MAGI3: variants seen among roughly 807,000 people sequenced by gnomAD.
The protein encoded by MAGI3 is membrane-associated guanylate kinase, WW and PDZ domain-containing protein 3.
In MAGI3, 43 loss-of-function variants were observed where a neutral mutation model predicts 121.8. The ratio of observed to expected loss-of-function variants is 0.35; its 90% CI spans 0.28 to 0.46. The LOEUF (loss-of-function observed/expected upper bound fraction) is 0.46, where lower values mean the gene tolerates loss of function less well. Ranked by LOEUF, MAGI3 falls within the 20% of genes least tolerant of loss-of-function variation. MAGI3 has a pLI of 1.00. For synonymous variants in MAGI3, 553 were observed against 639.3 expected (o/e 0.86, Z 2.04); for missense variants, 1,547 against 1,797.3 (o/e 0.86, Z 2.52).
intron 1 of MAGI3, among the ~76,000 whole-genome samples, chr1:113,429,296 G>A (rs1221148466): frequency 6.6e-6 from 1 of 152,202 alleles, no homozygotes; most frequent in African/African-American, 2.4e-5. Context: ...CCAGTGGAGG[G>A]TGCCCAGGCT....
intron 2 of MAGI3, among the ~76,000 whole-genome samples, chr1:113,572,174 C>T (rs1175798612): frequency 1.3e-5 from 2 of 152,118 alleles, no homozygotes; most frequent in African/African-American, 4.8e-5. Flanking sequence ...GTCATTTGTT[C>T]TGTTTATGTG....
At chr1:113,574,355 T>G (rs1257766642) in intron 2 of MAGI3, among the ~76,000 whole-genome samples, 1 of 152,202 alleles carries the variant, frequency 6.6e-6, no homozygotes, top group Non-Finnish European at 1.5e-5. Context: ...CCATATTTAA[T>G]GCTTCCTTCA....
intron 16 of MAGI3, among the ~76,000 whole-genome samples, chr1:113,663,630 T>G (rs1279752402): frequency 6.6e-6 from 1 of 152,236 alleles, no homozygotes; most frequent in Non-Finnish European, 1.5e-5. Context: ...TTCAGTTGTT[T>G]CTACTACTGT....
chr1:113,676,887 T>C (rs1647902021), intron 19 of MAGI3, among the ~76,000 whole-genome samples: 1 of 152,122 alleles, frequency 6.6e-6, no homozygotes, highest in African/African-American at 2.4e-5. Context: ...TCCATAGATA[T>C]TTGTTGAAAG....
At chr1:113,472,220 T>C (rs947131017) in intron 1 of MAGI3, among the ~76,000 whole-genome samples, 7 of 151,484 alleles carry the variant, frequency 4.6e-5, no homozygotes, top group African/African-American at 1.7e-4. Context: ...TTTTTTTTTT[T>C]GAGACAGAGT....
At position 113,683,907 on chromosome 1, in the gene MAGI3, GA is replaced by G. The variant is rs756024137; in HGVS notation, c.4342del (p.Ser1448AlafsTer9). 2.5e-6 allele frequency: 4 copies of G among 1,611,890 alleles called. No homozygotes were observed. In the East Asian group the frequency reaches 8.9e-5, roughly 36 times the overall value. On this transcript the variant is annotated frameshift_variant, in exon 21 of 21. Coordinates refer to ENST00000307546, the MANE Select transcript of MAGI3 (RefSeq NM_001142782.2). LOFTEE classifies it high-confidence loss of function. ...CAAAGAGACTGGAAGGTTCAAACCG[GA>G]AAGCAGTTCTCCAGTTAAGAAAACA... Reference protein sequence around the residue: ...KNKETGRFKPESSSPVKKTLI... With the variant: ...KNKETGRFKPXSSSPVKKTLI...
At chr1:113,402,008 C>T (rs2101296734) in intron 1 of MAGI3, among the ~76,000 whole-genome samples, 1 of 152,220 alleles carries the variant, frequency 6.6e-6, no homozygotes, top group East Asian at 1.9e-4. Flanking sequence ...ACACAGCAAT[C>T]CAATCTTAGT....
At chr1:113,616,217 A>T (rs1650452909) in intron 7 of MAGI3, among the ~76,000 whole-genome samples, 2 of 152,204 alleles carry the variant, frequency 1.3e-5, no homozygotes, top group African/African-American at 4.8e-5. Context: ...AAATAGCCTG[A>T]ATTAGAAGCA....
At chr1:113,409,485 A>C (rs1033600998) in intron 1 of MAGI3, among the ~76,000 whole-genome samples, 1 of 151,998 alleles carries the variant, frequency 6.6e-6, no homozygotes, top group African/African-American at 2.4e-5. Flanking sequence ...TCTACAAAAA[A>C]TTAAAAAATT....
At chr1:113,623,337 T>A (rs1169048162) in intron 9 of MAGI3, among the ~76,000 whole-genome samples, 5 of 151,772 alleles carry the variant, frequency 3.3e-5, no homozygotes, top group African/African-American at 1.2e-4. Context: ...ACAATTAAAT[T>A]ATTGCTGACT....
intron 19 of MAGI3, among the ~76,000 whole-genome samples, chr1:113,674,119 C>T (rs944503395): frequency 6.6e-6 from 1 of 152,140 alleles, no homozygotes; most frequent in African/African-American, 2.4e-5. Flanking sequence ...CTGCTGGGCG[C>T]GGTGGCTCAC....
chr1:113,633,798 G>A (rs1651821120), intron 9 of MAGI3, among the ~76,000 whole-genome samples: 1 of 152,174 alleles, frequency 6.6e-6, no homozygotes, highest in African/African-American at 2.4e-5. Flanking sequence ...CTAGATCCCT[G>A]AGGAATCACC....
intron 6 of MAGI3, among the ~76,000 whole-genome samples, chr1:113,608,825 G>A (rs191240934): frequency 6.6e-6 from 1 of 152,296 alleles, no homozygotes; most frequent in Admixed American, 6.5e-5. Flanking sequence ...CATTAAGGCT[G>A]AACATATGTC....
Position 113,659,064 on chromosome 1 carries a change from G to GT in MAGI3, c.2630-8dup, listed in dbSNP as rs761085540. ...ATCTTAAATAATTGAAAAACCTGGG[G>GT]TTTTTTTTCCCATAGTTATTCCTCA... On this transcript the variant is annotated splice_polypyrimidine_tract_variant and intron_variant, in intron 15 of 20. Transcript: ENST00000307546. 3.1e-5 allele frequency: 49 copies of GT among 1,564,360 alleles called. No homozygotes were observed. The highest frequency in any genetic ancestry group is 2.7e-4 in the South Asian group (23 of 84,808).
chr1:113,441,804 T>G (rs1442438467), intron 1 of MAGI3, among the ~76,000 whole-genome samples: 1 of 152,190 alleles, frequency 6.6e-6, no homozygotes, highest in African/African-American at 2.4e-5. Flanking sequence ...TCGTCTTGGT[T>G]GCAGAATGAA....
At position 113,446,622 on chromosome 1, in the gene MAGI3, CT is replaced by C. The variant is rs563124167; in HGVS notation, c.316+55274del. 1.8e-3 allele frequency among the ~76,000 whole-genome samples: 270 copies of C among 152,268 alleles called. 1 individual carries two copies. The highest frequency in any genetic ancestry group is 3.2e-3 in the Non-Finnish European group (220 of 68,012). On this transcript the variant is annotated intron_variant, in intron 1 of 20. Coordinates refer to ENST00000307546, the MANE Select transcript of MAGI3 (RefSeq NM_001142782.2). ...TAGAAAAACATGATTCACTTATATCCTGTCTACAGGAGGCTCACTTTAGATC... is the reference window on the plus strand; with the variant it reads ...TAGAAAAACATGATTCACTTATATCCGTCTACAGGAGGCTCACTTTAGATC...
At chr1:113,554,027 T>C (rs768834380) in intron 2 of MAGI3, among the ~76,000 whole-genome samples, 2 of 151,970 alleles carry the variant, frequency 1.3e-5, no homozygotes, top group South Asian at 4.1e-4. Context: ...AACAAAAAAA[T>C]AGAAAGACAA....
At chr1:113,541,554 C>G (rs888496983) in intron 1 of MAGI3, among the ~76,000 whole-genome samples, 1 of 152,066 alleles carries the variant, frequency 6.6e-6, no homozygotes, top group African/African-American at 2.4e-5. Flanking sequence ...CCATTAAGTT[C>G]CTGCTTGCCT....
rs541006098 is a variant in MAGI3, at chr1:113,598,577, A to G, written c.1018+4017A>G. Among the ~76,000 whole-genome samples the G allele has an allele frequency of 1.1e-4, 16 of 152,346 alleles. No homozygotes were observed. In the South Asian group the frequency reaches 3.3e-3, roughly 32 times the overall value. On this transcript the variant is annotated intron_variant, in intron 6 of 20. Transcript: ENST00000307546. ...ATTTTAAAGCAACAACAGTTAAAAA[A>G]AAAGACAAAGAAGGTCATTATACAA...
Sources: allele counts gnomAD v4.1 joint callset (sites outside exome capture counted in the v4.1 genomes callset), GRCh38; gene constraint gnomAD v4.1.1; transcripts MANE v1.5; gene names NCBI Gene and HGNC (gene_info 2026-07-23, HGNC 2026-07-21).